The following GNGT2 variants were observed in gnomAD, a reference collection of about 807,000 sequenced individuals.
GNGT2 encodes G protein subunit gamma transducin 2, also known as guanine nucleotide-binding protein G(I)/G(S)/G(O) subunit gamma-T2.
Under a neutral mutation model 3.5 loss-of-function variants are expected in GNGT2, and 4 were observed. The observed-to-expected ratio is 1.13, with a 90% CI of 0.56 to 2.59. GNGT2 has a LOEUF of 2.59. Ranked by LOEUF, GNGT2 falls within the 30% of genes most tolerant of loss-of-function variation. The pLI is 0.02. For missense variants in GNGT2, 64 were observed against 81.2 expected (o/e 0.79, Z 0.82); for synonymous variants, 31 against 29.5 (o/e 1.05, Z -0.17).
rs888966383 is a variant in GNGT2 at position 49,206,813 on chromosome 17, C to G, written c.154G>C (p.Gly52Arg). The G allele has an allele frequency of 6.2e-7, 1 of 1,613,720 alleles. No homozygotes were observed. The highest frequency in any genetic ancestry group is 8.5e-7 in the Non-Finnish European group (1 of 1,179,846). ...AAGGGATTCTTGTCCTCAGGGATGCCTTTGAGAAAAGGATCGTTTCCTGCT... is the reference window on the plus strand; with the variant it reads ...AAGGGATTCTTGTCCTCAGGGATGCGTTTGAGAAAAGGATCGTTTCCTGCT... ...AQAGNDPFLK[G>R]IPEDKNPFKE... Residue 52 changes from glycine to arginine, a missense_variant, in exon 4 of 4, where the codon GGC becomes CGC. Gly to Arg is a moderately radical substitution (Grantham distance 125). Coordinates refer to ENST00000507680, the MANE Select transcript of GNGT2 (RefSeq NM_001198754.2).
chr17:49,206,668 G>T lies in GNGT2; in HGVS notation c.*89C>A, dbSNP rs2043109472. The T allele has an allele frequency of 6.8e-6, 8 of 1,183,000 alleles. No homozygotes were observed. Among genetic ancestry groups the T allele is most frequent in the Non-Finnish European group, 9.7e-6 (8 of 824,612 alleles). The allele number at this position is 1,183,000 out of a possible 1,614,324, so 73.3% of individuals were successfully genotyped here. The stretch of plus-strand genomic sequence containing the variant: ...ATCTTTACTCATTCTGTGATGAAGA[G>T]AAGGTGACAGTTCACTGGCTCCCTG... On this transcript the variant is annotated 3_prime_UTR_variant, in exon 4 of 4. Coordinates refer to ENST00000507680, the MANE Select transcript of GNGT2 (RefSeq NM_001198754.2).
Position 49,207,350 on chromosome 17 carries a change from T to C in GNGT2, c.73A>G (p.Thr25Ala). The part of the protein sequence containing the change: ...VEQLKKEVKN[T>A]RIPISKAGKE... The stretch of plus-strand genomic sequence containing the variant: ...GCGAGGAGGCTCACCGGAATTCTTG[T>C]GTTTTTCACTTCTTTCTTCAGCTGC... The change falls in exon 3 of 4, where the codon ACA becomes GCA. Residue 25 changes from threonine (T) to alanine (A), a missense_variant. Coordinates refer to ENST00000507680, the MANE Select transcript of GNGT2 (RefSeq NM_001198754.2). 1 of 1,612,098 alleles carries C rather than the reference T, an allele frequency of 6.2e-7. No homozygotes were observed. The highest frequency in any genetic ancestry group is 8.5e-7 in the Non-Finnish European group (1 of 1,178,148).
intron 3 of GNGT2, among the ~76,000 whole-genome samples, 179 bp from the exon 4 acceptor site, chr17:49,207,061 C>A (rs1013395470): frequency 1.3e-5 from 2 of 152,126 alleles, no homozygotes; most frequent in East Asian, 3.9e-4. Context: ...ACAACACTGA[C>A]CCTGACCTTC....
chr17:49,207,261 C>T, intron 3 of GNGT2, 78 bp downstream of exon 3: 1 of 1,052,848 alleles, frequency 9.5e-7, no homozygotes, highest in Non-Finnish European at 1.5e-6. Flanking sequence ...GTCCCACCAC[C>T]CTTTCTGGTC....
At position 49,208,322 on chromosome 17, in the gene GNGT2, G is replaced by C. The variant is rs187134329; in HGVS notation, c.-23+523C>G. 1.3e-3 allele frequency among the ~76,000 whole-genome samples: 192 copies of C among 151,958 alleles called. 5 individuals are homozygous for C. Among genetic ancestry groups the C allele is most frequent in the Admixed American group, 0.012 (181 of 15,242 alleles). ...CTAAAAATACAAAAATTAGGCAGGC[G>C]TGGTGGCGGGCACCTGTAATCCCAG... is the stretch of plus-strand genomic sequence containing the variant. On this transcript the variant is annotated intron_variant, in intron 2 of 3. Transcript: ENST00000507680.
rs1461370726 is a variant in GNGT2 at position 49,207,330 on chromosome 17, G to A, written c.84+9C>T. ...AAGGGAAGAGCAGGGACGGGGCGAG[G>A]AGGCTCACCGGAATTCTTGTGTTTT... On this transcript the variant is annotated intron_variant, in intron 3 of 3. Transcript: ENST00000507680. The A allele has an allele frequency of 6.3e-7, 1 of 1,596,126 alleles. No individual in the cohort carries two copies. Among genetic ancestry groups the A allele is most frequent in the Admixed American group, 1.7e-5 (1 of 60,008 alleles).
At chr17:49,206,985 G>A (rs2043112446) in intron 3 of GNGT2, 103 bp from the exon 4 acceptor site, 3 of 1,226,532 alleles carry the variant, frequency 2.4e-6, no homozygotes, top group African/African-American at 1.5e-5. Flanking sequence ...AGAGACAGGG[G>A]CCAAAGAGGA....
In GNGT2 at chr17:49,207,004, C is replaced by A. The variant is rs898483461; in HGVS notation, c.85-122G>T. ...ACAGGGGCCAAAGAGGAGAAAGACA[C>A]AGAGGACAGACAGGTGTTCGGGGGT... On this transcript the variant is annotated intron_variant, in intron 3 of 3. Coordinates refer to ENST00000507680, the MANE Select transcript of GNGT2 (RefSeq NM_001198754.2). 6 of 1,023,810 alleles carry A rather than the reference C, an allele frequency of 5.9e-6. No individual in the cohort carries two copies. The East Asian group carries it at 1.4e-4, about 24-fold the overall frequency. 63.4% of individuals were successfully genotyped at this position (1,023,810 alleles called of 1,614,324 possible).
At chr17:49,206,942 T>C in intron 3 of GNGT2, 60 bp from the exon 4 acceptor site, 1 of 1,593,848 alleles carries the variant, frequency 6.3e-7, no homozygotes, top group Admixed American at 1.7e-5. Context: ...CATGATTTGG[T>C]CAGTGCCAGA....
Position 49,206,453 on chromosome 17 carries a change from C to T in GNGT2, c.*304G>A, listed in dbSNP as rs55634267. 0.26 allele frequency: 82,382 copies of T among 313,240 alleles called. 13,026 individuals are homozygous for T. The highest frequency in any genetic ancestry group is 0.33 in the Non-Finnish European group (56,461 of 171,262). The allele number at this position is 313,240 out of a possible 1,614,324, so 19.4% of individuals were successfully genotyped here. A position where few individuals can be genotyped will look rare whatever the true frequency, so the allele number is the denominator to read the frequency against. ...TGGTGTAAGTGCTTCCTAAGGACTG[C>T]CCTCTGGGGTCTTGGGGTATTGCAG... On this transcript the variant is annotated 3_prime_UTR_variant, in exon 4 of 4. Transcript: ENST00000507680.
rs772465667 is a variant in GNGT2 at position 49,206,357 on chromosome 17, A to G, written c.*400T>C. 3 of 182,248 alleles carry G rather than the reference A, an allele frequency of 1.6e-5. No homozygotes were observed. The highest frequency in any genetic ancestry group is 3.4e-5 in the Non-Finnish European group (3 of 89,146). 11.3% of individuals were successfully genotyped at this position (182,248 alleles called of 1,614,324 possible). On this transcript the variant is annotated 3_prime_UTR_variant, in exon 4 of 4. Transcript: ENST00000507680. ...ACCACCCAACCCTGGCCCCCAGCCC[A>G]AACTACTCTGGCGTGGAAATGCTTT...
chr17:49,208,756 T>C (rs1427397683), intron 2 of GNGT2, 89 bp downstream of exon 2: 1 of 152,198 alleles, frequency 6.6e-6, no homozygotes, highest in African/African-American at 2.4e-5. Flanking sequence ...TTATTATCAC[T>C]GCAGGGTTAT....
chr17:49,207,588 C>T (rs1440561667), intron 2 of GNGT2, 144 bp from the exon 3 acceptor site: 4 of 628,434 alleles, frequency 6.4e-6, no homozygotes, highest in East Asian at 2.7e-5. Context: ...TCCTTGCATG[C>T]CCTGCTTCTT....
chr17:49,206,957 C>T, intron 3 of GNGT2, 75 bp from the exon 4 acceptor site: 1 of 1,529,950 alleles, frequency 6.5e-7, no homozygotes, highest in South Asian at 1.1e-5. Flanking sequence ...GCCAGAAAAA[C>T]AGGCTTCTGG....
chr17:49,210,487 A>ATT lies in GNGT2; in HGVS notation c.-177_-176insAA. The ATT allele has an allele frequency of 2.4e-6, 1 of 411,016 alleles. No individual in the cohort carries two copies. The highest frequency in any genetic ancestry group is 4.3e-6 in the Non-Finnish European group (1 of 232,586). 25.5% of individuals were successfully genotyped at this position (411,016 alleles called of 1,614,324 possible). A position where few individuals can be genotyped will look rare whatever the true frequency, so the allele number is the denominator to read the frequency against. On this transcript the variant is annotated 5_prime_UTR_variant, in exon 1 of 4. Coordinates refer to ENST00000507680, the MANE Select transcript of GNGT2 (RefSeq NM_001198754.2). This position sits in a 1 kb window ranked among gnomAD's most constrained non-coding sequence, Gnocchi z 4.2. ...GTGGGATTGGGGGCTGGGCCCCCAA[A>ATT]TGGGCCCCTGGCTTCCCCCTTCCTC...
intron 3 of GNGT2, 67 bp from the exon 4 acceptor site, chr17:49,206,949 C>G (rs940084371): frequency 5.5e-5 from 86 of 1,553,834 alleles, no homozygotes; most frequent in Non-Finnish European, 7.2e-5. Flanking sequence ...TGGTCAGTGC[C>G]AGAAAAACAG....
intron 2 of GNGT2, among the ~76,000 whole-genome samples, chr17:49,208,028 G>T (rs377739209): frequency 1.8e-4 from 28 of 152,246 alleles, no homozygotes; most frequent in East Asian, 9.7e-4. Flanking sequence ...TAGCCGGGGT[G>T]ATGGTGAGTG....
chr17:49,206,997 A>G, intron 3 of GNGT2, 115 bp from the exon 4 acceptor site: 1 of 1,082,734 alleles, frequency 9.2e-7, no homozygotes, highest in Non-Finnish European at 1.4e-6. Context: ...CAAAGAGGAG[A>G]AAGACACAGA....
In GNGT2 at chr17:49,207,378, C is replaced by T. The variant is rs755802338; in HGVS notation, c.45G>A (p.Val15=). The T allele has an allele frequency of 6.8e-6, 11 of 1,613,666 alleles. No homozygotes were observed. In the East Asian group the frequency reaches 1.8e-4, roughly 26 times the overall value. ...TTTTCACTTCTTTCTTCAGCTGCTC[C>T]ACCTCCATCTTCAACAGGTCCTTCT... ...LSEKDLLKME[V]EQLKKEVKNT... Residue 15 remains valine, a synonymous_variant, in exon 3 of 4, where the codon GTG becomes GTA. Coordinates refer to ENST00000507680, the MANE Select transcript of GNGT2 (RefSeq NM_001198754.2).
Sources: gnomAD v4.1 joint callset for allele counts (sites outside exome capture counted in the v4.1 genomes callset) on GRCh38, gnomAD v4.1.1 for gene constraint, Gnocchi (gnomAD v3.1) non-coding constraint, MANE v1.5 for transcripts, NCBI Gene and HGNC (gene_info 2026-07-23, HGNC 2026-07-21) for gene names.